Variants in CEP83 observed in about 807,000 individuals in gnomAD.
CEP83 encodes centrosomal protein 83.
In CEP83, 70 loss-of-function variants were observed where a neutral mutation model predicts 101.9. That is an observed-to-expected ratio of 0.69 (90% CI 0.57 to 0.84). The LOEUF is 0.84. CEP83 is among the 40% of genes least tolerant of loss of function. CEP83 has a pLI of 0.00. For synonymous variants in CEP83, 264 were observed against 267.9 expected, an observed-to-expected ratio of 0.99 and a Z score of 0.14; for missense variants, 715 against 787.2, an observed-to-expected ratio of 0.91 and a Z score of 1.10.
intron 1 of CEP83, among the ~76,000 whole-genome samples, chr12:94,445,504 T>C (rs1303927122): frequency 6.6e-6 from 1 of 152,094 alleles, no homozygotes; most frequent in Non-Finnish European, 1.5e-5. Context: ...AATGAAGAAC[T>C]TCAAAATCCA....
Position 94,424,897 on chromosome 12 carries a change from A to G in CEP83, c.-102+10378T>C, listed in dbSNP as rs2065064963. The stretch of plus-strand genomic sequence containing the variant: ...GTGCCATCTGCTGAGCCAATGACAC[A>G]TATGGCTTCTTGTTGTTTCTATTGT... On this transcript the variant is annotated intron_variant, in intron 2 of 16. Transcript: ENST00000397809. The G allele has an allele frequency of 2.5e-6, 4 of 1,599,860 alleles. No homozygotes were observed. In the East Asian group the frequency reaches 6.7e-5, roughly 27 times the overall value.
chr12:94,350,010 T>C (rs2060129520), intron 11 of CEP83, among the ~76,000 whole-genome samples: 2 of 152,130 alleles, frequency 1.3e-5, no homozygotes, highest in Non-Finnish European at 1.5e-5. Context: ...TATAAATAAA[T>C]GGAAACACAT....
At chr12:94,457,479 T>C (rs1566269167) in intron 1 of CEP83, among the ~76,000 whole-genome samples, 1 of 152,260 alleles carries the variant, frequency 6.6e-6, no homozygotes, top group East Asian at 1.9e-4. Context: ...TCTAAGCTTC[T>C]TGAATTAGAA....
intron 2 of CEP83, chr12:94,424,283 C>T: frequency 6.2e-7 from 1 of 1,614,174 alleles, no homozygotes; most frequent in South Asian, 1.1e-5. Context: ...CACAAATATT[C>T]CTTGGTTCTG....
rs1186111555 is a variant in CEP83, at chr12:94,403,227, G to A, written c.360C>T (p.Ala120=). 6.3e-7 allele frequency: 1 copy of A among 1,580,090 alleles called. No homozygotes were observed. Among genetic ancestry groups the A allele is most frequent in the Non-Finnish European group, 8.7e-7 (1 of 1,150,974 alleles). The change falls in exon 5 of 17, where the codon GCC becomes GCT. Residue 120 remains alanine (A), a synonymous_variant. Transcript: ENST00000397809. The part of the protein sequence containing the change: ...LTPQKLELLR[A]QIQQELETPM... ...GAGTTTCTAATTCTTGTTGTATTTG[G>A]GCTCTTAGCAATTCCAATTTTTGTG...
rs532671120 is a variant in CEP83, at chr12:94,451,509, G to A, written c.-155+8048C>T. 9.0e-5 allele frequency among the ~76,000 whole-genome samples: 13 copies of A among 145,242 alleles called. No homozygotes were observed. The South Asian group carries it at 2.8e-3, about 31-fold the overall frequency. The stretch of plus-strand genomic sequence containing the variant: ...AAACCCAGCTAAAAAATGGGCAAAT[G>A]CCTTAAACAGATATTCCACCAAATG... On this transcript the variant is annotated intron_variant, in intron 1 of 16. Coordinates refer to ENST00000397809, the MANE Select transcript of CEP83 (RefSeq NM_016122.3).
chr12:94,402,096 T>C (rs1404845214), intron 5 of CEP83, among the ~76,000 whole-genome samples: 1 of 152,222 alleles, frequency 6.6e-6, no homozygotes, highest in Non-Finnish European at 1.5e-5. Flanking sequence ...TGCAGTCTTA[T>C]CCTGTCCCCT....
At chr12:94,350,552 T>C (rs1183481921) in intron 11 of CEP83, among the ~76,000 whole-genome samples, 1 of 152,122 alleles carries the variant, frequency 6.6e-6, no homozygotes, top group African/African-American at 2.4e-5. Flanking sequence ...AAAGGCTTCA[T>C]GGAATTTGAT....
intron 11 of CEP83, among the ~76,000 whole-genome samples, chr12:94,350,913 C>T (rs754726571): frequency 6.6e-6 from 1 of 152,036 alleles, no homozygotes; most frequent in Non-Finnish European, 1.5e-5. Flanking sequence ...TACTTACTAC[C>T]TCACACCTAT....
intron 6 of CEP83, among the ~76,000 whole-genome samples, chr12:94,380,901 T>C (rs545387291): frequency 9.2e-5 from 14 of 152,282 alleles, no homozygotes; most frequent in African/African-American, 1.9e-4. Context: ...GCTGAAGTGA[T>C]AGTTGAAGCT....
chr12:94,276,556 C>A, the CEP83 span, among the ~76,000 whole-genome samples: 1 of 152,234 alleles, frequency 6.6e-6, no homozygotes, highest in Non-Finnish European at 1.5e-5. Context: ...TTAGGCAAAT[C>A]TGGCTTCAAT....
At chr12:94,277,322 CT>C in the CEP83 span, 2 of 153,176 alleles carry the variant, frequency 1.3e-5, no homozygotes, top group African/African-American at 4.8e-5. Context: ...GTACCATCAC[CT>C]TGGGGGTTAG....
chr12:94,316,248 T>C (rs73368601), intron 14 of CEP83, among the ~76,000 whole-genome samples: 4,695 of 152,280 alleles, frequency 0.031, 226 homozygotes, highest in African/African-American at 0.1. Flanking sequence ...GGTATTTTTA[T>C]GCTATTGTAA....
At chr12:94,287,350 G>A in the CEP83 span, among the ~76,000 whole-genome samples, 1 of 152,186 alleles carries the variant, frequency 6.6e-6, no homozygotes, top group Non-Finnish European at 1.5e-5. Context: ...AGGGTCTGGG[G>A]CATGTGCACC....
At chr12:94,351,325 T>G (rs556060270) in intron 11 of CEP83, among the ~76,000 whole-genome samples, 1 of 152,078 alleles carries the variant, frequency 6.6e-6, no homozygotes, top group Non-Finnish European at 1.5e-5. Context: ...ATGGTTACAT[T>G]GCTCCAGAGA....
rs1162641847 is a variant in CEP83, at chr12:94,333,528, G to A, written c.1531C>T (p.Arg511Ter). 6 of 1,612,966 alleles carry A rather than the reference G, an allele frequency of 3.7e-6. No individual in the cohort carries two copies. The highest frequency in any genetic ancestry group is 2.2e-5 in the East Asian group (1 of 44,832). Residue 511 changes from arginine to a stop codon, truncating the protein, a stop_gained, in exon 13 of 17, where the codon CGA becomes TGA. Transcript: ENST00000397809. LOFTEE classifies it high-confidence loss of function. ...EMVERLKQEC[R>*]NFRSQAEKAQ... ...TTTTCAGCTTGGCTTCTAAAATTTCGGCATTCTTGTTTTAATCTCTCCACC... is the reference window on the plus strand; with the variant it reads ...TTTTCAGCTTGGCTTCTAAAATTTCAGCATTCTTGTTTTAATCTCTCCACC...
At chr12:94,302,307 G>A (rs1968548146), downstream of CEP83, among the ~76,000 whole-genome samples, 1 of 152,006 alleles carries the variant, frequency 6.6e-6, no homozygotes, top group Admixed American at 6.6e-5. Flanking sequence ...ACACCCCTTT[G>A]CTCATCTTTC....
intron 14 of CEP83, among the ~76,000 whole-genome samples, chr12:94,330,829 T>C (rs1310427891): frequency 6.6e-6 from 1 of 152,176 alleles, no homozygotes; most frequent in African/African-American, 2.4e-5. Flanking sequence ...AAAATGCATG[T>C]CAGCTCAAAA....
chr12:94,354,535 CAT>C (rs1353951745), intron 11 of CEP83, among the ~76,000 whole-genome samples: 1 of 152,012 alleles, frequency 6.6e-6, no homozygotes, highest in African/African-American at 2.4e-5. Flanking sequence ...CAGGACAGAC[CAT>C]ATGTTAGGCC....
Sources: gnomAD v4.1 joint callset for allele counts (sites outside exome capture counted in the v4.1 genomes callset) on GRCh38, gnomAD v4.1.1 for gene constraint, MANE v1.5 for transcripts, NCBI Gene and HGNC (gene_info 2026-07-23, HGNC 2026-07-21) for gene names.